The following HPSE variants were observed in gnomAD, a reference collection of about 807,000 sequenced individuals.
HPSE encodes the protein endo-glucoronidase.
A neutral mutation model predicts 65.1 loss-of-function variants in HPSE; 48 were observed. That is an observed-to-expected ratio of 0.74 (90% CI 0.58 to 0.94). HPSE has a LOEUF of 0.94. HPSE is among the 40% of genes least tolerant of loss of function. The probability of loss-of-function intolerance (pLI) is 0.00; values close to 1 mark genes in which losing one functional copy is unlikely to be tolerated. For missense variants in HPSE, 644 were observed against 637.5 expected (o/e 1.01, Z -0.11); for synonymous variants, 243 against 260.0 (o/e 0.93, Z 0.63).
Position 83,296,259 on chromosome 4 carries a change from A to G in HPSE, c.1473-756T>C, listed in dbSNP as rs184718795. On this transcript the variant is annotated intron_variant, in intron 11 of 11. Transcript: ENST00000311412. ...AATATAGGCAAGAGCTTATGAAGAA[A>G]AGCTTTAGTCGGCTGTAGGTCTATT... Among the ~76,000 whole-genome samples, 352 of 152,360 alleles carry G rather than the reference A, an allele frequency of 2.3e-3. 4 individuals carry two copies. The highest frequency in any genetic ancestry group is 8.2e-3 in the African/African-American group (339 of 41,580).
chr4:83,298,057 A>G (rs1372943737), intron 11 of HPSE, among the ~76,000 whole-genome samples: 1 of 152,240 alleles, frequency 6.6e-6, no homozygotes, highest in East Asian at 1.9e-4. Context: ...TTGCTTAATC[A>G]GCTGTATATT....
chr4:83,322,571 C>T (rs1736953804), intron 1 of HPSE, among the ~76,000 whole-genome samples: 1 of 152,030 alleles, frequency 6.6e-6, no homozygotes, highest in Non-Finnish European at 1.5e-5. Flanking sequence ...CACTTCACTG[C>T]AACTTCTGCT....
chr4:83,313,036 A>AAAAAG lies in HPSE; in HGVS notation c.673+77_673+78insCTTTT, dbSNP rs1560509630. 6 of 1,026,210 alleles carry AAAAAG rather than the reference A, an allele frequency of 5.8e-6. No homozygotes were observed. The African/African-American group carries it at 8.4e-5, about 14-fold the overall frequency. 63.6% of individuals were successfully genotyped at this position (1,026,210 alleles called of 1,614,324 possible). ...GACTCTGTCTCAAAAAAAAAAAAAA[A>AAAAAG]AAAAAGAAAAAGAAAAGAAAAGAAA... is the stretch of plus-strand genomic sequence containing the variant. On this transcript the variant is annotated intron_variant, in intron 4 of 11. Transcript: ENST00000311412.
At chr4:83,298,753 A>C (rs558956540) in intron 11 of HPSE, among the ~76,000 whole-genome samples, 135 of 152,240 alleles carry the variant, frequency 8.9e-4, no homozygotes, top group South Asian at 7.1e-3. Context: ...ACTTGAGCCC[A>C]GGTAGCGGTG....
intron 11 of HPSE, among the ~76,000 whole-genome samples, chr4:83,296,824 CATT>C (rs772405718): frequency 2.6e-5 from 4 of 152,058 alleles, no homozygotes; most frequent in East Asian, 1.9e-4. Flanking sequence ...TATCTATCAT[CATT>C]ATTATTACTA....
chr4:83,317,848 T>C (rs1736712796), intron 3 of HPSE, among the ~76,000 whole-genome samples: 1 of 152,216 alleles, frequency 6.6e-6, no homozygotes, highest in Non-Finnish European at 1.5e-5. Flanking sequence ...TGTGGTTCTC[T>C]GGTATGTGTC....
At chr4:83,325,672 A>G (rs563988829) in intron 1 of HPSE, among the ~76,000 whole-genome samples, 10 of 152,232 alleles carry the variant, frequency 6.6e-5, no homozygotes, top group Non-Finnish European at 8.8e-5. Context: ...TAAATAGGCA[A>G]TTCTTTAAAA....
Position 83,308,894 on chromosome 4 carries a change from A to T in HPSE, c.1042T>A (p.Tyr348Asn). The change falls in exon 8 of 12, where the codon TAT becomes AAT. Residue 348 changes from tyrosine (Y) to asparagine (N), a missense_variant. Tyr to Asn is a moderately radical substitution (Grantham distance 143). Coordinates refer to ENST00000311412, the MANE Select transcript of HPSE (RefSeq NM_001098540.3). Reference protein sequence around the residue: ...KVWLGETSSAYGGGAPLLSDT... With the variant: ...KVWLGETSSANGGGAPLLSDT... The stretch of plus-strand genomic sequence containing the variant: ...GATAGCAAGGGCGCTCCGCCTCCAT[A>T]TGCAGAGCTTGTTTCTCCTAACCAG... The T allele has an allele frequency of 6.2e-7, 1 of 1,614,202 alleles. No individual in the cohort carries two copies. Among genetic ancestry groups the T allele is most frequent in the Non-Finnish European group, 8.5e-7 (1 of 1,180,038 alleles).
rs574168848 is a variant in HPSE at position 83,304,943 on chromosome 4, A to C, written c.1206+1260T>G. Among the ~76,000 whole-genome samples the C allele has an allele frequency of 2.6e-5, 4 of 152,306 alleles. No individual in the cohort carries two copies. The South Asian group carries it at 8.3e-4, about 32-fold the overall frequency. ...ACTACAGTATGGCTTCCTGTAAATC[A>C]TGCAACCTCTTCTCAATTTGAACTT... On this transcript the variant is annotated intron_variant, in intron 9 of 11. Transcript: ENST00000311412.
chr4:83,326,617 C>T lies in HPSE; in HGVS notation c.228-4253G>A, dbSNP rs1214203569. 6.6e-6 allele frequency among the ~76,000 whole-genome samples: 1 copy of T among 152,214 alleles called. No individual in the cohort carries two copies. Among genetic ancestry groups the T allele is most frequent in the Non-Finnish European group, 1.5e-5 (1 of 68,040 alleles). On this transcript the variant is annotated intron_variant, in intron 1 of 11. Transcript: ENST00000311412. The surrounding 1 kb of genome is among the most constrained non-coding windows in gnomAD (Gnocchi z 4.2). ...GACACATACAGGCCGGGAATATAGA[C>T]AGGCGAGTCCTCAGTAGAAATGTCA...
At position 83,326,996 on chromosome 4, in the gene HPSE, G is replaced by A. The variant is rs1027649192; in HGVS notation, c.228-4632C>T. Among the ~76,000 whole-genome samples, 3 of 152,086 alleles carry A rather than the reference G, an allele frequency of 2.0e-5. No individual in the cohort carries two copies. The highest frequency in any genetic ancestry group is 1.3e-4 in the Admixed American group (2 of 15,268). ...CTTGGGTCACTCTCCATCACACTGC[G>A]CTGCCTTCATTTTCTTCATAGCATT... On this transcript the variant is annotated intron_variant, in intron 1 of 11. Coordinates refer to ENST00000311412, the MANE Select transcript of HPSE (RefSeq NM_001098540.3). This position sits in a 1 kb window ranked among gnomAD's most constrained non-coding sequence, Gnocchi z 4.2.
intron 2 of HPSE, among the ~76,000 whole-genome samples, chr4:83,321,314 A>G (rs1234074796): frequency 6.6e-6 from 1 of 152,224 alleles, no homozygotes; most frequent in Non-Finnish European, 1.5e-5. Flanking sequence ...TTTAGCCCCA[A>G]TTACTGATGA....
chr4:83,325,188 G>C (rs947422048), intron 1 of HPSE, among the ~76,000 whole-genome samples: 2 of 138,122 alleles, frequency 1.4e-5, no homozygotes, highest in South Asian at 2.3e-4. Flanking sequence ...TGTGTGTTTT[G>C]AGACAGGGTC....
intron 11 of HPSE, among the ~76,000 whole-genome samples, chr4:83,299,363 CAAAAAAAAAAAA>C (rs757562812): frequency 2.2e-5 from 2 of 90,998 alleles, no homozygotes; most frequent in Admixed American, 1.3e-4. Context: ...GACTCTGTCT[CAAAAAAAAAAAA>C]AAAAAAAAAA....
intron 2 of HPSE, among the ~76,000 whole-genome samples, chr4:83,320,050 A>T (rs940653466): frequency 3.8e-5 from 5 of 130,852 alleles, no homozygotes; most frequent in African/African-American, 5.7e-5. Context: ...AAAAAAAAAA[A>T]GCTGGAAATT....
At chr4:83,307,934 G>C (rs984210490) in intron 8 of HPSE, among the ~76,000 whole-genome samples, 1 of 152,176 alleles carries the variant, frequency 6.6e-6, no homozygotes, top group Non-Finnish European at 1.5e-5. Flanking sequence ...CAAGTTTGTG[G>C]TGTTGGACAA....
intron 1 of HPSE, among the ~76,000 whole-genome samples, chr4:83,332,920 G>A (rs1452770760): frequency 1.3e-5 from 2 of 149,804 alleles, no homozygotes; most frequent in African/African-American, 2.5e-5. Context: ...TTCAGTAACC[G>A]CCCCCCCCCA....
chr4:83,305,528 T>C (rs1432760611), intron 9 of HPSE, among the ~76,000 whole-genome samples: 1 of 152,190 alleles, frequency 6.6e-6, no homozygotes, highest in Non-Finnish European at 1.5e-5. Flanking sequence ...TAGGAATTAT[T>C]CTTAGAAAAT....
chr4:83,315,365 A>G (rs1474087625), intron 3 of HPSE, among the ~76,000 whole-genome samples: 1 of 152,118 alleles, frequency 6.6e-6, no homozygotes, highest in African/African-American at 2.4e-5. Flanking sequence ...TTAGAGCCAC[A>G]GTTTAAGGCA....
Sources: allele counts gnomAD v4.1 joint callset (sites outside exome capture counted in the v4.1 genomes callset), GRCh38; gene constraint gnomAD v4.1.1; non-coding constraint Gnocchi (gnomAD v3.1); transcripts MANE v1.5; gene names NCBI Gene and HGNC (gene_info 2026-07-23, HGNC 2026-07-21).